EPHA7: variants seen among roughly 807,000 people sequenced by gnomAD.
EPHA7 encodes the protein ephrin type-A receptor 7.
Under a neutral mutation model 112.6 loss-of-function variants are expected in EPHA7, and 25 were observed. The observed-to-expected ratio is 0.22, with a 90% confidence interval of 0.16 to 0.31. EPHA7 has a LOEUF of 0.31. Ranked by LOEUF, EPHA7 falls within the 10% of genes least tolerant of loss-of-function variation. The pLI, the probability that EPHA7 is intolerant of heterozygous loss-of-function variation, is 1.00. For missense variants in EPHA7, 962 were observed against 1,212.6 expected (o/e 0.79, Z 3.07); for synonymous variants, 437 against 406.5 (o/e 1.07, Z -0.90).
intron 5 of EPHA7, among the ~76,000 whole-genome samples, chr6:93,281,494 G>T (rs777238634): frequency 6.6e-6 from 1 of 152,070 alleles, no homozygotes; most frequent in Non-Finnish European, 1.5e-5. Context: ...TCATAGAAAT[G>T]ATTTATCAGG....
intron 5 of EPHA7, among the ~76,000 whole-genome samples, chr6:93,288,505 T>A (rs989865971): frequency 3.3e-5 from 5 of 152,348 alleles, no homozygotes; most frequent in African/African-American, 1.2e-4. Context: ...GTACATTTAT[T>A]AAAATCACTG....
At chr6:93,293,083 A>AT (rs569578915) in intron 5 of EPHA7, among the ~76,000 whole-genome samples, 195 of 152,134 alleles carry the variant, frequency 1.3e-3, no homozygotes, top group South Asian at 3.7e-3. Context: ...TAAGTTAAAG[A>AT]TTTTTTAAAA....
chr6:93,313,981 C>A (rs1227499270), intron 5 of EPHA7, among the ~76,000 whole-genome samples: 1 of 152,054 alleles, frequency 6.6e-6, no homozygotes, highest in African/African-American at 2.4e-5. Context: ...CTTTTCTACT[C>A]CTGTGGTATA....
At chr6:93,281,121 G>A (rs1238692681) in intron 5 of EPHA7, among the ~76,000 whole-genome samples, 1 of 152,096 alleles carries the variant, frequency 6.6e-6, no homozygotes, top group Non-Finnish European at 1.5e-5. Context: ...TAATCCATTT[G>A]TATAATTTAT....
At chr6:93,313,936 T>C (rs948533377) in intron 5 of EPHA7, among the ~76,000 whole-genome samples, 1 of 152,176 alleles carries the variant, frequency 6.6e-6, no homozygotes, top group African/African-American at 2.4e-5. Flanking sequence ...ATAATGAGTT[T>C]AGAGACGATG....
Position 93,419,268 on chromosome 6 carries a change from C to G in EPHA7, c.74G>C (p.Gly25Ala), listed in dbSNP as rs529519500. The change falls in exon 1 of 17, where the codon GGG (glycine) becomes GCG (alanine). Residue 25 changes from glycine to alanine, a missense_variant. Coordinates refer to ENST00000369303, the MANE Select transcript of EPHA7 (RefSeq NM_004440.4). The stretch of plus-strand genomic sequence containing the variant: ...ACCTTCCTTCGCAGCCTGCGCCTCC[C>G]CTGTGTGTGCAAAGCGGAGCAGCCA... Reference protein sequence around the residue: ...YIWLLRFAHTGEAQAAKEVLL... With the variant: ...YIWLLRFAHTAEAQAAKEVLL... 5.0e-6 allele frequency: 8 copies of G among 1,613,836 alleles called. No individual in the cohort carries two copies. The highest frequency in any genetic ancestry group is 1.3e-5 in the African/African-American group (1 of 74,942).
intron 5 of EPHA7, among the ~76,000 whole-genome samples, chr6:93,317,935 T>C (rs1171442966): frequency 6.6e-6 from 1 of 152,214 alleles, no homozygotes; most frequent in Non-Finnish European, 1.5e-5. Flanking sequence ...CCAGTAATCA[T>C]AACTTTCATT....
chr6:93,358,411 G>T lies in EPHA7; in HGVS notation c.833C>A (p.Pro278His), dbSNP rs1215429530. 1.9e-6 allele frequency: 3 copies of T among 1,592,550 alleles called. No homozygotes were observed. In the Admixed American group the frequency reaches 5.4e-5, roughly 29 times the overall value. Residue 278 changes from proline to histidine, a missense_variant and splice_region_variant, in exon 4 of 17, where the codon CCC becomes CAC. Physicochemically the swap from Pro to His is moderately conservative, Grantham distance 77. Transcript: ENST00000369303. ...GYQQKGDTCE[P>H]CGRGFYKSSS... ...AGACTTGTAGAACCCACGGCCACAG[G>T]CTGGGAATGCAAAAGAAAGCAAAAA...
intron 5 of EPHA7, among the ~76,000 whole-genome samples, chr6:93,323,725 T>A (rs1053079146): frequency 6.6e-6 from 1 of 151,478 alleles, no homozygotes; most frequent in Non-Finnish European, 1.5e-5. Flanking sequence ...ATACTGGCTT[T>A]CATACAGTGC....
intron 15 of EPHA7, among the ~76,000 whole-genome samples, chr6:93,246,289 A>T (rs1769946996): frequency 6.6e-6 from 1 of 152,034 alleles, no homozygotes; most frequent in African/African-American, 2.4e-5. Context: ...TGACCTCGAG[A>T]TCCACCTACC....
chr6:93,418,616 C>G (rs1779365402), intron 1 of EPHA7, among the ~76,000 whole-genome samples: 1 of 152,194 alleles, frequency 6.6e-6, no homozygotes, highest in Admixed American at 6.5e-5. Flanking sequence ...TCGGGTCGCG[C>G]GCCGCACGCC....
chr6:93,346,364 GAAAT>G (rs1229705956), intron 5 of EPHA7, among the ~76,000 whole-genome samples: 1 of 151,622 alleles, frequency 6.6e-6, no homozygotes, highest in Non-Finnish European at 1.5e-5. Flanking sequence ...AACACTTAGA[GAAAT>G]GGGCACGATA....
intron 5 of EPHA7, among the ~76,000 whole-genome samples, chr6:93,274,788 G>C (rs1021751391): frequency 6.6e-6 from 1 of 151,786 alleles, no homozygotes; most frequent in African/African-American, 2.4e-5. Context: ...TTTGGTACAG[G>C]AAACGTGATT....
At chr6:93,414,630 T>C in intron 2 of EPHA7, 73 bp downstream of exon 2, 1 of 1,147,574 alleles carries the variant, frequency 8.7e-7, no homozygotes, top group Non-Finnish European at 1.3e-6. Context: ...GTGTGAATAA[T>C]TACCCTGGAG....
chr6:93,274,156 G>A (rs181337024), intron 5 of EPHA7, among the ~76,000 whole-genome samples: 24 of 151,972 alleles, frequency 1.6e-4, no homozygotes, highest in African/African-American at 5.3e-4. Context: ...GCTCGTATGT[G>A]TAAATCTCTA....
At chr6:93,369,521 A>G (rs985910969) in intron 3 of EPHA7, among the ~76,000 whole-genome samples, 1 of 152,196 alleles carries the variant, frequency 6.6e-6, no homozygotes, top group African/African-American at 2.4e-5. Context: ...TTCTTTTTAA[A>G]AGAGCAACAT....
At chr6:93,305,503 C>A (rs1366714722) in intron 5 of EPHA7, among the ~76,000 whole-genome samples, 1 of 151,792 alleles carries the variant, frequency 6.6e-6, no homozygotes, top group South Asian at 2.1e-4. Context: ...ACCTAAAGAG[C>A]CTGTGTGAGA....
intron 3 of EPHA7, among the ~76,000 whole-genome samples, chr6:93,405,538 G>A (rs1562162195): frequency 6.6e-6 from 1 of 151,410 alleles, no homozygotes; most frequent in African/African-American, 2.4e-5. Context: ...TTAATGATAA[G>A]CATTCATTGA....
In EPHA7 at chr6:93,243,448, T is replaced by C; in HGVS notation, c.2975A>G (p.His992Arg). 6.2e-7 allele frequency: 1 copy of C among 1,613,350 alleles called. No homozygotes were observed. The highest frequency in any genetic ancestry group is 8.5e-7 in the Non-Finnish European group (1 of 1,179,398). ...ATATCACACTTGAATGCCAGTTCCA[T>C]GTAAATGTAGCATTTGTGCTCTCAT... ...QTMRAQMLHL[H>R]GTGIQV The change falls in exon 17 of 17, where the codon CAT becomes CGT. Residue 992 changes from histidine (H) to arginine (R), a missense_variant. Around this residue, in one of 3 missense-constraint regions of EPHA7, gnomAD observed 746 missense variants for 889.2 expected, o/e 0.84. Coordinates refer to ENST00000369303, the MANE Select transcript of EPHA7 (RefSeq NM_004440.4).
Sources: gnomAD v4.1 joint callset for allele counts (sites outside exome capture counted in the v4.1 genomes callset) on GRCh38, gnomAD v4.1.1 for gene constraint, gnomAD v4.1.1 regional missense constraint, MANE v1.5 for transcripts, NCBI Gene and HGNC (gene_info 2026-07-23, HGNC 2026-07-21) for gene names.